Variants in DYRK1A observed in about 807,000 individuals in gnomAD.
DYRK1A encodes dual specificity tyrosine-phosphorylation-regulated kinase 1A.
DYRK1A carries 9 observed loss-of-function variants against 79.7 expected under a neutral mutation model. The observed-to-expected ratio is 0.11, with a 90% confidence interval of 0.07 to 0.20. The LOEUF (loss-of-function observed/expected upper bound fraction) is 0.20, where lower values mean the gene tolerates loss of function less well. Ranked by LOEUF, DYRK1A falls within the 10% of genes least tolerant of loss-of-function variation. DYRK1A has a pLI of 1.00. For synonymous variants in DYRK1A, 349 were observed against 329.7 expected, an observed-to-expected ratio of 1.06 and a Z score of -0.63; for missense variants, 622 against 956.0, an observed-to-expected ratio of 0.65 and a Z score of 4.61.
rs779796575 is a variant in DYRK1A at position 37,511,950 on chromosome 21, A to G, written c.1684A>G (p.Thr562Ala). 6 of 1,614,030 alleles carry G rather than the reference A, an allele frequency of 3.7e-6. No individual in the cohort carries two copies. The highest frequency in any genetic ancestry group is 2.7e-5 in the African/African-American group (2 of 74,916). ...TCCTGCTCCTCTTGGTTGGTCAGGC[A>G]CTGAAGCTCCTACACAGGTCACTGT... ...QFPAPLGWSG[T>A]EAPTQVTVET... Residue 562 changes from threonine (T) to alanine (A), a missense_variant, in exon 12 of 12, where the codon ACT becomes GCT. Thr to Ala is a moderately conservative substitution (Grantham distance 58, BLOSUM62 0). Transcript: ENST00000647188.
chr21:37,367,489 G>C lies in DYRK1A; in HGVS notation c.-216G>C, dbSNP rs2049332726. 2.0e-5 allele frequency: 3 copies of C among 148,800 alleles called. No individual in the cohort carries two copies. The South Asian group carries it at 6.2e-4, about 31-fold the overall frequency. 9.2% of individuals were successfully genotyped at this position (148,800 alleles called of 1,614,324 possible). On this transcript the variant is annotated 5_prime_UTR_variant, in exon 1 of 12. Coordinates refer to ENST00000647188, the MANE Select transcript of DYRK1A (RefSeq NM_001347721.2). Reference sequence around the variant, plus strand: ...GGAGAGACTGAGCAGGCTGCGGCGCGGCCAGGAGCCGGAGCGCCGGGGGCG... The same window carrying C: ...GGAGAGACTGAGCAGGCTGCGGCGCCGCCAGGAGCCGGAGCGCCGGGGGCG...
chr21:37,388,080 A>G (rs894518561), intron 1 of DYRK1A, among the ~76,000 whole-genome samples: 9 of 135,388 alleles, frequency 6.6e-5, no homozygotes, highest in African/African-American at 1.9e-4. Flanking sequence ...CTGTGTTTTT[A>G]TCTGTCCCTC....
At chr21:37,373,550 G>A (rs987180193) in intron 1 of DYRK1A, among the ~76,000 whole-genome samples, 4 of 152,204 alleles carry the variant, frequency 2.6e-5, no homozygotes, top group Middle Eastern at 3.2e-3. Context: ...GTGGCACCAC[G>A]ATGTGAGGGA....
At chr21:37,390,049 A>G (rs925728919) in intron 1 of DYRK1A, among the ~76,000 whole-genome samples, 1 of 151,508 alleles carries the variant, frequency 6.6e-6, no homozygotes, top group African/African-American at 2.4e-5. Flanking sequence ...TCAGCCTCCC[A>G]AAGTTCTAGG....
intron 2 of DYRK1A, among the ~76,000 whole-genome samples, chr21:37,455,517 G>C (rs142393701): frequency 6.6e-6 from 1 of 152,032 alleles, no homozygotes; most frequent in Non-Finnish European, 1.5e-5. Flanking sequence ...ACCATGGCTT[G>C]GAACCGCTGA....
intron 2 of DYRK1A, among the ~76,000 whole-genome samples, chr21:37,448,683 T>A: frequency 6.6e-6 from 1 of 152,206 alleles, no homozygotes; most frequent in East Asian, 1.9e-4. Flanking sequence ...AAAACAAGTA[T>A]TTAAAATTTT....
At chr21:37,457,397 T>TTG (rs908761225) in intron 2 of DYRK1A, among the ~76,000 whole-genome samples, 84 of 151,206 alleles carry the variant, frequency 5.6e-4, no homozygotes, top group Admixed American at 1.7e-3. Context: ...GATCGCCTAA[T>TTG]TGTGTGTGTG....
intron 11 of DYRK1A, among the ~76,000 whole-genome samples, chr21:37,509,137 T>G (rs1371626607): frequency 6.6e-6 from 1 of 152,232 alleles, no homozygotes; most frequent in African/African-American, 2.4e-5. Flanking sequence ...CTTCCATGCC[T>G]TCTAGCCCCT....
intron 9 of DYRK1A, among the ~76,000 whole-genome samples, chr21:37,496,783 G>C (rs527939560): frequency 1.3e-5 from 2 of 151,970 alleles, no homozygotes; most frequent in Non-Finnish European, 2.9e-5. Context: ...TCATTGACTT[G>C]GATAGCAAAA....
chr21:37,398,904 C>CTT lies in DYRK1A; in HGVS notation c.-76-21377_-76-21376dup, dbSNP rs75261593. 3.1e-3 allele frequency among the ~76,000 whole-genome samples: 426 copies of CTT among 137,070 alleles called. 1 individual carries two copies. The highest frequency in any genetic ancestry group is 0.011 in the African/African-American group (401 of 37,108). 89.9% of individuals were successfully genotyped at this position (137,070 alleles called of 152,430 possible). ...GCACAGCTTGAGACAGGAGGAGAAA[C>CTT]TTTTTTTTTTTTTTTTTTTAAACCG... On this transcript the variant is annotated intron_variant, in intron 1 of 11. Coordinates refer to ENST00000647188, the MANE Select transcript of DYRK1A (RefSeq NM_001347721.2).
At chr21:37,475,870 T>C (rs2052377919) in intron 3 of DYRK1A, among the ~76,000 whole-genome samples, 1 of 152,216 alleles carries the variant, frequency 6.6e-6, no homozygotes, top group South Asian at 2.1e-4. Context: ...TTACTGATTC[T>C]TTTTTCAGAT....
intron 9 of DYRK1A, chr21:37,501,873 A>T (rs2053461051): frequency 6.6e-6 from 1 of 151,878 alleles, no homozygotes; most frequent in South Asian, 2.1e-4. Context: ...TTTGTCTTAG[A>T]CTCCCTTTGT....
chr21:37,482,299 C>T (rs2052675011), intron 5 of DYRK1A, among the ~76,000 whole-genome samples: 1 of 152,120 alleles, frequency 6.6e-6, no homozygotes, highest in South Asian at 2.1e-4. Flanking sequence ...TTTCTATTTT[C>T]CCTAAGCGTC....
intron 6 of DYRK1A, chr21:37,486,840 G>A: frequency 5.6e-6 from 2 of 360,236 alleles, no homozygotes; most frequent in African/African-American, 4.2e-5. Flanking sequence ...AAACAAATGA[G>A]AATAGTGTGT....
intron 2 of DYRK1A, among the ~76,000 whole-genome samples, chr21:37,458,924 C>T (rs766544627): frequency 4.5e-4 from 69 of 152,180 alleles, no homozygotes; most frequent in Non-Finnish European, 8.1e-4. Context: ...AAGCCCTCAT[C>T]TCCTGACTGA....
intron 1 of DYRK1A, among the ~76,000 whole-genome samples, chr21:37,407,346 G>A (rs2050167110): frequency 6.6e-6 from 1 of 152,118 alleles, no homozygotes; most frequent in African/African-American, 2.4e-5. Flanking sequence ...CATCATATGA[G>A]TTCAGGTGTG....
rs374859507 is a variant in DYRK1A, at chr21:37,490,961, C to G, written c.924+500C>G. Among the ~76,000 whole-genome samples the G allele has an allele frequency of 3.9e-5, 6 of 152,180 alleles. No individual in the cohort carries two copies. The East Asian group carries it at 1.2e-3, about 29-fold the overall frequency. On this transcript the variant is annotated intron_variant, in intron 7 of 11. Transcript: ENST00000647188. ...TGAATCTTTGCTGTAAAATACTTCT[C>G]TGAAGATGGATCAAGATAAATCTTT...
chr21:37,372,464 G>A (rs546457497), intron 1 of DYRK1A, among the ~76,000 whole-genome samples: 110 of 149,722 alleles, frequency 7.3e-4, no homozygotes, highest in African/African-American at 2.3e-3. Flanking sequence ...AAAAAAAAAA[G>A]GTTTGAACTG....
chr21:37,463,681 A>G (rs1386500382), intron 2 of DYRK1A, among the ~76,000 whole-genome samples: 1 of 152,180 alleles, frequency 6.6e-6, no homozygotes, highest in Non-Finnish European at 1.5e-5. Flanking sequence ...GGTGCTGATG[A>G]TAAAATCGTG....
Sources: allele counts gnomAD v4.1 joint callset (sites outside exome capture counted in the v4.1 genomes callset), GRCh38; gene constraint gnomAD v4.1.1; transcripts MANE v1.5; gene names NCBI Gene and HGNC (gene_info 2026-07-23, HGNC 2026-07-21).